The following DPF3 variants were observed in gnomAD, a reference collection of about 807,000 sequenced individuals.
The protein encoded by DPF3 is zinc finger protein DPF3.
DPF3 carries 18 observed loss-of-function variants against 56.8 expected under a neutral mutation model. That is an observed-to-expected ratio of 0.32 (90% CI 0.22 to 0.47). DPF3 has a LOEUF of 0.47. DPF3 is among the 20% of genes least tolerant of loss of function. The probability of loss-of-function intolerance (pLI) is 1.00; values close to 1 mark genes in which losing one functional copy is unlikely to be tolerated. For missense variants in DPF3, 403 were observed against 488.8 expected, an observed-to-expected ratio of 0.82 and a Z score of 1.65; for synonymous variants, 188 against 180.2, an observed-to-expected ratio of 1.04 and a Z score of -0.35.
chr14:72,657,347 G>C (rs189564649), intron 8 of DPF3, among the ~76,000 whole-genome samples: 1 of 152,280 alleles, frequency 6.6e-6, no homozygotes, highest in Admixed American at 6.5e-5. Flanking sequence ...TATTAGTCAT[G>C]ATGTCCACAA....
At chr14:72,757,095 AAGG>A (rs1890871825) in intron 2 of DPF3, among the ~76,000 whole-genome samples, 1 of 97,476 alleles carries the variant, frequency 1.0e-5, no homozygotes, top group African/African-American at 4.3e-5. Context: ...GGAAGGGAGG[AAGG>A]GAGAGAGGGA....
At chr14:72,745,621 A>G (rs549899306) in intron 3 of DPF3, among the ~76,000 whole-genome samples, 224 of 152,270 alleles carry the variant, frequency 1.5e-3, no homozygotes, top group Non-Finnish European at 2.4e-3. Context: ...TGCAATGTGT[A>G]AAAAAGAGCC....
Position 72,754,854 on chromosome 14 carries a change from G to A in DPF3, c.194-1483C>T, listed in dbSNP as rs552237964. Among the ~76,000 whole-genome samples the A allele has an allele frequency of 3.9e-5, 6 of 152,330 alleles. No individual in the cohort carries two copies. The South Asian group carries it at 1.2e-3, about 32-fold the overall frequency. ...AACCAAAATACTCAGGTCTCTTTAT[G>A]TTTAATCACACAGCTGCTCCACAGG... On this transcript the variant is annotated intron_variant, in intron 2 of 10. Transcript: ENST00000556509.
At chr14:72,887,169 AC>A (rs1886581531) in intron 1 of DPF3, among the ~76,000 whole-genome samples, 1 of 117,406 alleles carries the variant, frequency 8.5e-6, no homozygotes, top group South Asian at 2.4e-4. Context: ...ACACACACAC[AC>A]ACACACACAC....
At chr14:72,876,644 C>T (rs1004976317) in intron 1 of DPF3, among the ~76,000 whole-genome samples, 1 of 152,288 alleles carries the variant, frequency 6.6e-6, no homozygotes, top group South Asian at 2.1e-4. Context: ...CCAAAGGAAT[C>T]GCTCAAACGC....
rs1467654368 is a variant in DPF3, at chr14:72,614,446, G to A, written c.*4851C>T. ...TGTCCACTTTGCAGAGGGGAGAGGA[G>A]CAGGATGGCCAGTCCCCCTCTTCCC... On this transcript the variant is annotated 3_prime_UTR_variant, in exon 11 of 11. Transcript: ENST00000556509. 6.6e-6 allele frequency among the ~76,000 whole-genome samples: 1 copy of A among 152,140 alleles called. No homozygotes were observed. Among genetic ancestry groups the A allele is most frequent in the Non-Finnish European group, 1.5e-5 (1 of 68,026 alleles).
At chr14:72,865,183 A>G (rs1435038346) in intron 1 of DPF3, among the ~76,000 whole-genome samples, 1 of 152,200 alleles carries the variant, frequency 6.6e-6, no homozygotes, top group Non-Finnish European at 1.5e-5. Context: ...TTTTGAGCCC[A>G]TGCCAGGTCC....
intron 1 of DPF3, among the ~76,000 whole-genome samples, chr14:72,773,236 G>A (rs561936373): frequency 4.6e-5 from 7 of 150,740 alleles, no homozygotes; most frequent in Non-Finnish European, 7.4e-5. Context: ...GGGTTCAAAC[G>A]ATTCTCCTGC....
At chr14:72,708,918 G>A (rs140038443) in intron 6 of DPF3, among the ~76,000 whole-genome samples, 3 of 152,186 alleles carry the variant, frequency 2.0e-5, no homozygotes, top group Non-Finnish European at 4.4e-5. Flanking sequence ...GCTGATCAGG[G>A]CAGTCCGGAG....
At chr14:72,689,774 C>T (rs1887595376) in intron 7 of DPF3, among the ~76,000 whole-genome samples, 1 of 152,118 alleles carries the variant, frequency 6.6e-6, no homozygotes, top group African/African-American at 2.4e-5. Flanking sequence ...CCTGGGACGA[C>T]CAGCTGCCTC....
In DPF3 at chr14:72,783,853, C is replaced by T. The variant is rs537538509; in HGVS notation, c.33-11960G>A. On this transcript the variant is annotated intron_variant, in intron 1 of 10. Transcript: ENST00000556509. ...TTCCTGCAGAGCTGATCCGTGTCCT[C>T]CTGCAGAGCCCTGGGCCCACGGGTG... 2.2e-4 allele frequency among the ~76,000 whole-genome samples: 34 copies of T among 152,288 alleles called. 1 individual carries two copies. In the East Asian group the frequency reaches 6.4e-3, roughly 29 times the overall value.
chr14:72,682,822 G>C (rs1253798275), intron 7 of DPF3, among the ~76,000 whole-genome samples: 1 of 152,202 alleles, frequency 6.6e-6, no homozygotes, highest in Non-Finnish European at 1.5e-5. Flanking sequence ...GAGAGTCAGA[G>C]ACGTCTGCCC....
chr14:72,643,996 T>C (rs1885639641), intron 8 of DPF3, among the ~76,000 whole-genome samples: 1 of 152,088 alleles, frequency 6.6e-6, no homozygotes, highest in African/African-American at 2.4e-5. Context: ...CACCTCCCGA[T>C]TTCCCCAAGT....
chr14:72,769,764 A>AG (rs1891444290), intron 2 of DPF3, among the ~76,000 whole-genome samples: 1 of 151,988 alleles, frequency 6.6e-6, no homozygotes, highest in African/African-American at 2.4e-5. Context: ...CATAAGAATA[A>AG]TAGCTACACT....
chr14:72,730,408 G>A (rs998180074), intron 4 of DPF3, among the ~76,000 whole-genome samples: 2 of 152,178 alleles, frequency 1.3e-5, no homozygotes, highest in African/African-American at 4.8e-5. Flanking sequence ...CCATGTTGTG[G>A]CAACTCAATG....
At chr14:72,696,758 T>C (rs768165476) in intron 6 of DPF3, among the ~76,000 whole-genome samples, 29 of 152,344 alleles carry the variant, frequency 1.9e-4, no homozygotes, top group Admixed American at 3.3e-4. Flanking sequence ...AGAACAGAGA[T>C]TCTCAAACAG....
At chr14:72,753,578 T>C (rs1344560763) in intron 2 of DPF3, among the ~76,000 whole-genome samples, 1 of 152,168 alleles carries the variant, frequency 6.6e-6, no homozygotes, top group African/African-American at 2.4e-5. Flanking sequence ...AGCTCCACCA[T>C]GCTGTTCAGC....
At chr14:72,788,104 C>T (rs748717054) in intron 1 of DPF3, among the ~76,000 whole-genome samples, 1 of 152,204 alleles carries the variant, frequency 6.6e-6, no homozygotes, top group Non-Finnish European at 1.5e-5. Flanking sequence ...CAGCCCTTCA[C>T]AGTGCCTGAC....
chr14:72,780,024 G>C (rs897452667), intron 1 of DPF3, among the ~76,000 whole-genome samples: 1 of 152,194 alleles, frequency 6.6e-6, no homozygotes, highest in African/African-American at 2.4e-5. Flanking sequence ...CTCTCCCAAA[G>C]CCTAGTACAT....
Sources: allele counts gnomAD v4.1 joint callset (sites outside exome capture counted in the v4.1 genomes callset), GRCh38; gene constraint gnomAD v4.1.1; transcripts MANE v1.5; gene names NCBI Gene and HGNC (gene_info 2026-07-23, HGNC 2026-07-21).